ODF4: variants seen among roughly 807,000 people sequenced by gnomAD.
ODF4 encodes the protein outer dense fiber protein 4.
Under a neutral mutation model 17.0 loss-of-function variants are expected in ODF4, and 11 were observed. The observed-to-expected ratio is 0.65, with a 90% CI of 0.41 to 1.07. The LOEUF (loss-of-function observed/expected upper bound fraction) is 1.07, where lower values mean the gene tolerates loss of function less well. Among genes scored for constraint, ODF4 ranks in the 50% least tolerant of loss-of-function variants. The pLI is 0.00. For missense variants in ODF4, 281 were observed against 310.2 expected, an observed-to-expected ratio of 0.91 and a Z score of 0.71; for synonymous variants, 127 against 121.8, an observed-to-expected ratio of 1.04 and a Z score of -0.28.
intron 1 of ODF4, among the ~76,000 whole-genome samples, chr17:8,343,809 C>CGACACCAATTGTATATTTTTAA (rs1906121788): frequency 2.1e-5 from 2 of 96,426 alleles, no homozygotes; most frequent in Non-Finnish European, 2.1e-5. Context: ...CCACCGCACC[C>CGACACCAATTGTATATTTTTAA]AGCCAAGTGT....
At position 8,340,095 on chromosome 17, in the gene ODF4, GA is replaced by G. The variant is rs1905944217; in HGVS notation, c.45del (p.Glu16LysfsTer132). 1 of 1,533,922 alleles carries G rather than the reference GA, an allele frequency of 6.5e-7. No homozygotes were observed. On this transcript the variant is annotated frameshift_variant, in exon 1 of 3. Coordinates refer to ENST00000328248, the MANE Select transcript of ODF4 (RefSeq NM_153007.5). LOFTEE classifies it high-confidence loss of function. ...YSGNEFPRSE[G>X]ERDQHQRPGK... ...GGGAATGAGTTCCCCAGGTCAGAAG[GA>G]GAAAGAGACCAACATCAGAGACCTG...
chr17:8,341,018 G>A (rs1234490458), intron 1 of ODF4, among the ~76,000 whole-genome samples: 1 of 151,884 alleles, frequency 6.6e-6, no homozygotes, highest in Non-Finnish European at 1.5e-5. Context: ...GTGAAACCCC[G>A]TCTCTACTAA....
Position 8,345,914 on chromosome 17 carries a change from C to A in ODF4, c.*62C>A. 1 of 1,416,420 alleles carries A rather than the reference C, an allele frequency of 7.1e-7. No individual in the cohort carries two copies. Among genetic ancestry groups the A allele is most frequent in the Non-Finnish European group, 9.9e-7 (1 of 1,012,282 alleles). 87.7% of individuals were successfully genotyped at this position (1,416,420 alleles called of 1,614,324 possible). A position where few individuals can be genotyped will look rare whatever the true frequency, so the allele number is the denominator to read the frequency against. ...CATCTGACCCCATCTCCTCATCCTC[C>A]CCCAGCCCTTGAATAGGTTGGTCCT... is the stretch of plus-strand genomic sequence containing the variant. On this transcript the variant is annotated 3_prime_UTR_variant, in exon 3 of 3. Transcript: ENST00000328248. This position sits in a 1 kb window ranked among gnomAD's most constrained non-coding sequence, Gnocchi z 4.1.
Position 8,345,082 on chromosome 17 carries a change from C to A in ODF4, c.455-261C>A. On this transcript the variant is annotated intron_variant, in intron 1 of 2. Transcript: ENST00000328248. The surrounding 1 kb of genome is among the most constrained non-coding windows in gnomAD (Gnocchi z 4.1). Reference sequence around the variant, plus strand: ...TGGAAAGGTCCTTTGTTTTCCTAACCCCCATCTTCCTGGGCACTTCTCCCT... The same window carrying A: ...TGGAAAGGTCCTTTGTTTTCCTAACACCCATCTTCCTGGGCACTTCTCCCT... The A allele has an allele frequency of 2.1e-6, 2 of 972,830 alleles. No individual in the cohort carries two copies. Among genetic ancestry groups the A allele is most frequent in the Non-Finnish European group, 2.7e-6 (2 of 741,754 alleles). The allele number at this position is 972,830 out of a possible 1,614,324, so 60.3% of individuals were successfully genotyped here.
chr17:8,344,617 TA>T (rs1209516028), intron 1 of ODF4, among the ~76,000 whole-genome samples: 1 of 127,538 alleles, frequency 7.8e-6, no homozygotes, highest in East Asian at 2.2e-4. Flanking sequence ...GCCTCCGGAG[TA>T]GCTGAGACTA....
chr17:8,340,214 A>G lies in ODF4; in HGVS notation c.163A>G (p.Asn55Asp). The change falls in exon 1 of 3, where the codon AAC becomes GAC. Residue 55 changes from asparagine (N) to aspartate (D), a missense_variant. Physicochemically the swap from Asn to Asp is conservative, Grantham distance 23. Coordinates refer to ENST00000328248, the MANE Select transcript of ODF4 (RefSeq NM_153007.5). ...GTCCTCCACCCTCTCCCTCAGTAGT[A>G]ACAGGTCCTTGGGCCAGCGCCAGAA... ...LLSSTLSLSSNRSLGQRQNSP... is the reference protein window; with the variant it reads ...LLSSTLSLSSDRSLGQRQNSP... 6.2e-7 allele frequency: 1 copy of G among 1,613,718 alleles called. No homozygotes were observed. Among genetic ancestry groups the G allele is most frequent in the Non-Finnish European group, 8.5e-7 (1 of 1,179,738 alleles).
At chr17:8,340,818 G>A (rs1905980211) in intron 1 of ODF4, among the ~76,000 whole-genome samples, 1 of 151,706 alleles carries the variant, frequency 6.6e-6, no homozygotes, top group African/African-American at 2.4e-5. Context: ...AGGAGGCTGA[G>A]GTGGGAGGAT....
At chr17:8,340,908 G>C (rs889180023) in intron 1 of ODF4, among the ~76,000 whole-genome samples, 3 of 150,860 alleles carry the variant, frequency 2.0e-5, no homozygotes, top group African/African-American at 7.3e-5. Flanking sequence ...AAAAAATCAG[G>C]CTGGGCACTG....
At position 8,343,320 on chromosome 17, in the gene ODF4, C is replaced by T. The variant is rs1474239232; in HGVS notation, c.455-2023C>T. ...CTAATTTTTGTATTTTTAGTAGAGA[C>T]GGGGTTTTTACCATGTTGGCCAGGC... is the stretch of plus-strand genomic sequence containing the variant. On this transcript the variant is annotated intron_variant, in intron 1 of 2. Coordinates refer to ENST00000328248, the MANE Select transcript of ODF4 (RefSeq NM_153007.5). Among the ~76,000 whole-genome samples, 3 of 128,970 alleles carry T rather than the reference C, an allele frequency of 2.3e-5. 1 individual carries two copies. The highest frequency in any genetic ancestry group is 5.0e-5 in the Non-Finnish European group (3 of 59,806). 84.6% of individuals were successfully genotyped at this position (128,970 alleles called of 152,430 possible). A position where few individuals can be genotyped will look rare whatever the true frequency, so the allele number is the denominator to read the frequency against.
In ODF4 at chr17:8,345,271, C is replaced by T; in HGVS notation, c.455-72C>T. 7.1e-7 allele frequency: 1 copy of T among 1,409,410 alleles called. No individual in the cohort carries two copies. Among genetic ancestry groups the T allele is most frequent in the Non-Finnish European group, 9.9e-7 (1 of 1,012,654 alleles). 87.3% of individuals were successfully genotyped at this position (1,409,410 alleles called of 1,614,324 possible). A position where few individuals can be genotyped will look rare whatever the true frequency, so the allele number is the denominator to read the frequency against. ...GTGGTGATGTGGTTTGTGGCTGTAG[C>T]CTAGCAGATGAGGAAGAACCTCCTG... On this transcript the variant is annotated intron_variant, in intron 1 of 2. Coordinates refer to ENST00000328248, the MANE Select transcript of ODF4 (RefSeq NM_153007.5). The surrounding 1 kb of genome is among the most constrained non-coding windows in gnomAD (Gnocchi z 4.1).
Position 8,343,332 on chromosome 17 carries a change from C to T in ODF4, c.455-2011C>T, listed in dbSNP as rs371627927. Among the ~76,000 whole-genome samples the T allele has an allele frequency of 9.1e-5, 6 of 66,058 alleles. No homozygotes were observed. The East Asian group carries it at 2.4e-3, about 27-fold the overall frequency. The allele number at this position is 66,058 out of a possible 152,430, so 43.3% of individuals were successfully genotyped here. ...TTTTTAGTAGAGACGGGGTTTTTAC[C>T]ATGTTGGCCAGGCTGGTTTCAAACT... On this transcript the variant is annotated intron_variant, in intron 1 of 2. Transcript: ENST00000328248.
rs776113515 is a variant in ODF4, at chr17:8,340,161, G to C, written c.110G>C (p.Gly37Ala). Residue 37 changes from glycine to alanine, a missense_variant, in exon 1 of 3, where the codon GGT (glycine) becomes GCT (alanine). Transcript: ENST00000328248. ...RKSGEAGWGT[G>A]ELGQDGRLLS... ...AGTGGGGAGGCAGGATGGGGCACAGGTGAGCTGGGACAAGATGGGAGACTG... is the reference window on the plus strand; with the variant it reads ...AGTGGGGAGGCAGGATGGGGCACAGCTGAGCTGGGACAAGATGGGAGACTG... 26 of 1,593,826 alleles carry C rather than the reference G, an allele frequency of 1.6e-5. No homozygotes were observed. Among genetic ancestry groups the C allele is most frequent in the Non-Finnish European group, 2.1e-5 (24 of 1,169,362 alleles).
Position 8,345,543 on chromosome 17 carries a change from A to T in ODF4, c.589+66A>T. On this transcript the variant is annotated intron_variant, in intron 2 of 2. Transcript: ENST00000328248. This position sits in a 1 kb window ranked among gnomAD's most constrained non-coding sequence, Gnocchi z 4.1. ...GTAGGGTAGGGCAGGGAAAGTGTGG[A>T]GGGAAGAGGCTGGCAATCCCCAGGG... The T allele has an allele frequency of 6.3e-7, 1 of 1,579,744 alleles. No individual in the cohort carries two copies. Among genetic ancestry groups the T allele is most frequent in the African/African-American group, 1.3e-5 (1 of 74,138 alleles).
intron 1 of ODF4, chr17:8,344,826 C>T (rs1906167249): frequency 1.0e-6 from 1 of 976,794 alleles, no homozygotes; most frequent in African/African-American, 1.8e-5. Context: ...TATGTTTCAT[C>T]TTTTGTAAAT....
In ODF4 at chr17:8,340,497, A is replaced by T; in HGVS notation, c.446A>T (p.Asn149Ile). 6.2e-7 allele frequency: 1 copy of T among 1,606,960 alleles called. No individual in the cohort carries two copies. Among genetic ancestry groups the T allele is most frequent in the Admixed American group, 1.7e-5 (1 of 59,912 alleles). ...TCCAGGAGCTGTTCTGACTTAGAGA[A>T]TGGGAAAGGTGAGCCCCTCCACCCC... ...YKSRSCSDLE[N>I]GKVTFIFSTL... The change falls in exon 1 of 3, where the codon AAT becomes ATT. Residue 149 changes from asparagine to isoleucine, a missense_variant. Coordinates refer to ENST00000328248, the MANE Select transcript of ODF4 (RefSeq NM_153007.5).
At position 8,345,847 on chromosome 17, in the gene ODF4, G is replaced by T. The variant is rs375159065; in HGVS notation, c.769G>T (p.Val257Leu). ...GGATCCTGAGCAGAAGGATACACAT[G>T]TGTAATCTTTTCTGAACTCCTGGCA... ...VLDPEQKDTH[V>L] The change falls in exon 3 of 3, where the codon GTG becomes TTG. Residue 257 changes from valine (V) to leucine (L), a missense_variant. By Grantham distance (32) the Val-to-Leu change is conservative (BLOSUM62 1). Coordinates refer to ENST00000328248, the MANE Select transcript of ODF4 (RefSeq NM_153007.5). The surrounding 1 kb of genome is among the most constrained non-coding windows in gnomAD (Gnocchi z 4.1). 6.2e-7 allele frequency: 1 copy of T among 1,613,178 alleles called. No individual in the cohort carries two copies. Among genetic ancestry groups the T allele is most frequent in the Non-Finnish European group, 8.5e-7 (1 of 1,179,448 alleles).
At chr17:8,341,257 T>A (rs969331911) in intron 1 of ODF4, among the ~76,000 whole-genome samples, 9 of 151,984 alleles carry the variant, frequency 5.9e-5, no homozygotes, top group African/African-American at 2.2e-4. Flanking sequence ...ATCGCCTAAT[T>A]TACCAGGGAC....
chr17:8,345,392 C>A lies in ODF4; in HGVS notation c.504C>A (p.Ile168=), dbSNP rs1278088656. ...TLMLFPINIW[I]FELERNVSIP... The stretch of plus-strand genomic sequence containing the variant: ...TGCTATTCCCCATTAACATCTGGAT[C>A]TTCGAGTTGGAAAGGAATGTATCCA... The change falls in exon 2 of 3, where the codon ATC becomes ATA. Residue 168 remains isoleucine, a synonymous_variant. Coordinates refer to ENST00000328248, the MANE Select transcript of ODF4 (RefSeq NM_153007.5). The surrounding 1 kb of genome is among the most constrained non-coding windows in gnomAD (Gnocchi z 4.1). The A allele has an allele frequency of 6.2e-7, 1 of 1,613,628 alleles. No individual in the cohort carries two copies. The highest frequency in any genetic ancestry group is 8.5e-7 in the Non-Finnish European group (1 of 1,179,538).
Position 8,345,220 on chromosome 17 carries a change from G to A in ODF4, c.455-123G>A. 1.1e-6 allele frequency: 1 copy of A among 939,176 alleles called. No individual in the cohort carries two copies. The highest frequency in any genetic ancestry group is 1.6e-6 in the Non-Finnish European group (1 of 620,494). 58.2% of individuals were successfully genotyped at this position (939,176 alleles called of 1,614,324 possible). A position where few individuals can be genotyped will look rare whatever the true frequency, so the allele number is the denominator to read the frequency against. ...GTAGAAATGCAGGGGTTGACTCCTG[G>A]AACCTCAGGGCCAGTCACTCTGTGT... On this transcript the variant is annotated intron_variant, in intron 1 of 2. Transcript: ENST00000328248. This position sits in a 1 kb window ranked among gnomAD's most constrained non-coding sequence, Gnocchi z 4.1.
Sources: allele counts gnomAD v4.1 joint callset (sites outside exome capture counted in the v4.1 genomes callset), GRCh38; gene constraint gnomAD v4.1.1; non-coding constraint Gnocchi (gnomAD v3.1); transcripts MANE v1.5; gene names NCBI Gene and HGNC (gene_info 2026-07-23, HGNC 2026-07-21).